GLIS3: variants seen among roughly 807,000 people sequenced by gnomAD.
The protein encoded by GLIS3 is GLIS family zinc finger 3, also known as zinc finger protein GLIS3.
GLIS3 carries 53 observed loss-of-function variants against 78.6 expected under a neutral mutation model. The ratio of observed to expected loss-of-function variants is 0.67; its 90% CI spans 0.54 to 0.85. GLIS3 has a LOEUF of 0.85. Ranked by LOEUF, GLIS3 falls within the 40% of genes least tolerant of loss-of-function variation. The pLI, the probability that GLIS3 is intolerant of heterozygous loss-of-function variation, is 0.00. For synonymous variants in GLIS3, 684 were observed against 509.9 expected (o/e 1.34, Z -4.60); for missense variants, 1,703 against 1,231.1 (o/e 1.38, Z -5.74).
the GLIS3 span, among the ~76,000 whole-genome samples, chr9:4,472,727 G>A: frequency 0.33 from 50,193 of 151,658 alleles, 9,745 homozygotes; most frequent in Middle Eastern, 0.48. Flanking sequence ...TGCACGTTGT[G>A]CACATGTACC....
chr9:4,186,003 T>A (rs914939951), intron 2 of GLIS3, among the ~76,000 whole-genome samples: 33 of 152,202 alleles, frequency 2.2e-4, no homozygotes, highest in Non-Finnish European at 3.7e-4. Context: ...TTTTAAATTT[T>A]ATTTTATTAT....
At chr9:4,071,561 G>C (rs1442091452) in intron 4 of GLIS3, among the ~76,000 whole-genome samples, 1 of 152,152 alleles carries the variant, frequency 6.6e-6, no homozygotes, top group Non-Finnish European at 1.5e-5. Context: ...ATCAGATTTT[G>C]AGTTTTAAAA....
chr9:4,185,531 G>A (rs1374281081), intron 2 of GLIS3, among the ~76,000 whole-genome samples: 1 of 152,164 alleles, frequency 6.6e-6, no homozygotes, highest in Non-Finnish European at 1.5e-5. Context: ...GAAAATTAGA[G>A]TGTGCCTTAA....
intron 2 of GLIS3, among the ~76,000 whole-genome samples, chr9:4,175,822 T>C (rs751827279): frequency 1.8e-4 from 28 of 152,222 alleles, no homozygotes; most frequent in African/African-American, 6.3e-4. Context: ...TTACATGTCT[T>C]TTTTTGGTTC....
At chr9:3,953,795 C>CTCTCTCTCTCTA (rs1403671770) in intron 4 of GLIS3, among the ~76,000 whole-genome samples, 20 of 73,324 alleles carry the variant, frequency 2.7e-4, no homozygotes, top group East Asian at 2.1e-3. Context: ...CTCTCTCTCT[C>CTCTCTCTCTCTA]TATATATATA....
the GLIS3 span, among the ~76,000 whole-genome samples, chr9:4,477,626 C>G: frequency 6.6e-6 from 1 of 152,040 alleles, no homozygotes; most frequent in African/African-American, 2.4e-5. Context: ...GTTGCCCAAG[C>G]TGGTTTTGAA....
At chr9:4,237,372 A>G (rs1587091996) in intron 2 of GLIS3, among the ~76,000 whole-genome samples, 1 of 152,300 alleles carries the variant, frequency 6.6e-6, no homozygotes, top group Non-Finnish European at 1.5e-5. Context: ...CATTAACTGG[A>G]AAAAAATCAG....
At chr9:4,466,261 T>C in the GLIS3 span, among the ~76,000 whole-genome samples, 69 of 152,218 alleles carry the variant, frequency 4.5e-4, 1 homozygote, top group Middle Eastern at 0.02. Context: ...TGAGAAGAAA[T>C]AGAAAACTCG....
intron 2 of GLIS3, among the ~76,000 whole-genome samples, chr9:4,318,046 A>G (rs951401748): frequency 6.6e-6 from 1 of 152,224 alleles, no homozygotes; most frequent in African/African-American, 2.4e-5. Context: ...AAAATTATAG[A>G]AACTGAGGAA....
chr9:4,114,661 C>A (rs1193987902), intron 4 of GLIS3, among the ~76,000 whole-genome samples: 1 of 152,072 alleles, frequency 6.6e-6, no homozygotes, highest in Non-Finnish European at 1.5e-5. Context: ...GTAATATTGG[C>A]ATATCCCGGT....
chr9:4,062,222 G>A (rs1490391535), intron 4 of GLIS3, among the ~76,000 whole-genome samples: 1 of 152,202 alleles, frequency 6.6e-6, no homozygotes, highest in Non-Finnish European at 1.5e-5. Flanking sequence ...GTGCCTTAGC[G>A]ACTAATTTAG....
rs1554666761 is a variant in GLIS3, at chr9:3,991,751, TGG to T, written c.1711-54564_1711-54563del. Among the ~76,000 whole-genome samples the T allele has an allele frequency of 6.2e-3, 850 of 136,244 alleles. 5 individuals carry two copies. Among genetic ancestry groups the T allele is most frequent in the Middle Eastern group, 0.019 (4 of 214 alleles). 89.4% of individuals were successfully genotyped at this position (136,244 alleles called of 152,430 possible). A position where few individuals can be genotyped will look rare whatever the true frequency, so the allele number is the denominator to read the frequency against. On this transcript the variant is annotated intron_variant, in intron 4 of 10. Transcript: ENST00000381971. ...TGTCGCCCAGGCTGGAGTGCAGTGG[TGG>T]GATCTCGGCTCACTGCAAGCTCCGC... is the stretch of plus-strand genomic sequence containing the variant.
intron 9 of GLIS3, among the ~76,000 whole-genome samples, chr9:3,837,585 G>C (rs1297788384): frequency 1.3e-5 from 2 of 152,166 alleles, no homozygotes; most frequent in African/African-American, 4.8e-5. Context: ...ATATTATTCA[G>C]CACTAAAAAG....
chr9:3,877,861 C>T lies in GLIS3; in HGVS notation c.2297+1566G>A, dbSNP rs77903762. ...TTCAGTTACTCAACTATCTTGCCAC[C>T]TGAATTCTTTTGCTGTAATGTCAAT... On this transcript the variant is annotated intron_variant, in intron 8 of 10. Coordinates refer to ENST00000381971, the MANE Select transcript of GLIS3 (RefSeq NM_001042413.2). Among the ~76,000 whole-genome samples the T allele has an allele frequency of 7.8e-3, 1,194 of 152,240 alleles. 16 individuals carry two copies. The highest frequency in any genetic ancestry group is 0.028 in the African/African-American group (1,143 of 41,536).
At chr9:4,042,537 G>C (rs1453406942) in intron 4 of GLIS3, among the ~76,000 whole-genome samples, 4 of 152,122 alleles carry the variant, frequency 2.6e-5, no homozygotes, top group African/African-American at 7.2e-5. Flanking sequence ...TCACCATCTA[G>C]TGCCTGTTTT....
intron 2 of GLIS3, among the ~76,000 whole-genome samples, chr9:4,267,491 A>C (rs1826121932): frequency 6.6e-6 from 1 of 152,218 alleles, no homozygotes; most frequent in Non-Finnish European, 1.5e-5. Context: ...TGAAATTGCC[A>C]ACCCCACAGT....
At chr9:4,287,681 C>T (rs1828119454) in intron 1 of GLIS3, among the ~76,000 whole-genome samples, 1 of 152,046 alleles carries the variant, frequency 6.6e-6, no homozygotes, top group African/African-American at 2.4e-5. Context: ...GTATGATCCA[C>T]TCAAAGTGTT....
At chr9:4,203,455 C>T (rs1010731698) in intron 2 of GLIS3, among the ~76,000 whole-genome samples, 15 of 152,198 alleles carry the variant, frequency 9.9e-5, no homozygotes, top group African/African-American at 2.2e-4. Flanking sequence ...CATTTACCTA[C>T]GTAACATGAC....
chr9:4,079,089 C>A (rs568473325), intron 4 of GLIS3, among the ~76,000 whole-genome samples: 10 of 152,328 alleles, frequency 6.6e-5, no homozygotes, highest in Admixed American at 4.6e-4. Flanking sequence ...GGGTTTCCTG[C>A]ACTCACATTC....
Sources: allele counts gnomAD v4.1 joint callset (sites outside exome capture counted in the v4.1 genomes callset), GRCh38; gene constraint gnomAD v4.1.1; transcripts MANE v1.5; gene names NCBI Gene and HGNC (gene_info 2026-07-23, HGNC 2026-07-21).